The following STARD3NL variants were observed in gnomAD, a reference collection of about 807,000 sequenced individuals.
STARD3NL encodes STARD3 N-terminal-like protein.
Under a neutral mutation model 30.9 loss-of-function variants are expected in STARD3NL, and 17 were observed. The ratio of observed to expected loss-of-function variants is 0.55; its 90% confidence interval spans 0.38 to 0.82. STARD3NL has a LOEUF of 0.82. Among genes scored for constraint, STARD3NL ranks in the 40% least tolerant of loss-of-function variants. STARD3NL has a pLI of 0.00. For synonymous variants in STARD3NL, 112 were observed against 100.5 expected (o/e 1.11, Z -0.69); for missense variants, 234 against 277.6 (o/e 0.84, Z 1.12).
intron 1 of STARD3NL, among the ~76,000 whole-genome samples, chr7:38,206,475 G>A (rs1043768716): frequency 6.6e-6 from 1 of 152,126 alleles, no homozygotes; most frequent in African/African-American, 2.4e-5. Flanking sequence ...TAATGTCTTT[G>A]TCCCATCCAT....
At chr7:38,183,631 A>C (rs1024967180) in intron 1 of STARD3NL, among the ~76,000 whole-genome samples, 1 of 152,202 alleles carries the variant, frequency 6.6e-6, no homozygotes, top group East Asian at 1.9e-4. Flanking sequence ...TTACCAATTT[A>C]GTTAATTTGG....
At chr7:38,187,562 G>A (rs1000681450) in intron 1 of STARD3NL, among the ~76,000 whole-genome samples, 3 of 152,016 alleles carry the variant, frequency 2.0e-5, no homozygotes, top group Admixed American at 2.0e-4. Flanking sequence ...ACTAAAATGG[G>A]AACTCTTAGT....
intron 7 of STARD3NL, among the ~76,000 whole-genome samples, chr7:38,222,650 C>T (rs993244636): frequency 6.6e-6 from 1 of 152,176 alleles, no homozygotes; most frequent in Admixed American, 6.5e-5. Context: ...TGGGATCCAT[C>T]TGCATTTCAC....
chr7:38,183,996 A>T (rs1025014096), intron 1 of STARD3NL, among the ~76,000 whole-genome samples: 11 of 152,190 alleles, frequency 7.2e-5, no homozygotes, highest in Non-Finnish European at 1.5e-4. Flanking sequence ...CTAATTGAAT[A>T]CCTAACACAT....
At chr7:38,199,438 T>C (rs912796349) in intron 1 of STARD3NL, among the ~76,000 whole-genome samples, 7 of 152,212 alleles carry the variant, frequency 4.6e-5, no homozygotes, top group African/African-American at 1.7e-4. Flanking sequence ...ATTTATGCAG[T>C]TGATATTTGT....
At chr7:38,216,845 C>G (rs1377792363) in intron 4 of STARD3NL, 180 bp from the exon 5 acceptor site, 2 of 623,346 alleles carry the variant, frequency 3.2e-6, no homozygotes, top group Admixed American at 3.0e-5. Flanking sequence ...TGTAGAAGCC[C>G]ATTTTGCCCC....
chr7:38,199,568 A>G (rs1356158729), intron 1 of STARD3NL, among the ~76,000 whole-genome samples: 1 of 152,242 alleles, frequency 6.6e-6, no homozygotes, highest in East Asian at 1.9e-4. Context: ...CAGTATCATT[A>G]AGTGGCACAT....
At chr7:38,220,559 G>A (rs1004826602) in intron 7 of STARD3NL, among the ~76,000 whole-genome samples, 2 of 152,168 alleles carry the variant, frequency 1.3e-5, no homozygotes, top group Non-Finnish European at 2.9e-5. Flanking sequence ...AAATGGTATA[G>A]CCCCAGTAGA....
intron 1 of STARD3NL, among the ~76,000 whole-genome samples, chr7:38,188,190 C>T (rs993033355): frequency 3.9e-5 from 6 of 152,188 alleles, no homozygotes; most frequent in African/African-American, 1.4e-4. Context: ...TACAGTGGCC[C>T]ACACACAAGG....
In STARD3NL at chr7:38,214,451, T is replaced by C; in HGVS notation, c.303+17T>C. 1 of 1,524,590 alleles carries C rather than the reference T, an allele frequency of 6.6e-7. No homozygotes were observed. The highest frequency in any genetic ancestry group is 1.7e-5 in the Admixed American group (1 of 58,212). 94.4% of individuals were successfully genotyped at this position (1,524,590 alleles called of 1,614,324 possible). A position where few individuals can be genotyped will look rare whatever the true frequency, so the allele number is the denominator to read the frequency against. On this transcript the variant is annotated intron_variant, in intron 3 of 8. Transcript: ENST00000009041. ...GATATATTTGTAAGTATTTTTTATG[T>C]TTCATTTCAGATGTGATAAAACTGA...
At chr7:38,184,681 T>A in intron 1 of STARD3NL, among the ~76,000 whole-genome samples, 1 of 146,372 alleles carries the variant, frequency 6.8e-6, no homozygotes, top group East Asian at 2.0e-4. Context: ...ACTATATATA[T>A]AATATATAAC....
intron 7 of STARD3NL, among the ~76,000 whole-genome samples, chr7:38,223,742 TTTGAAAA>T (rs67855855): frequency 0.21 from 32,652 of 151,902 alleles, 3,875 homozygotes; most frequent in Admixed American, 0.33. Flanking sequence ...TAATCAAAAT[TTTGAAAA>T]TTATTGAAAA....
chr7:38,193,256 G>A (rs1784763657), intron 1 of STARD3NL, among the ~76,000 whole-genome samples: 1 of 151,620 alleles, frequency 6.6e-6, no homozygotes, highest in African/African-American at 2.4e-5. Context: ...AAACAGAAAT[G>A]TCTGTCCTCC....
chr7:38,229,626 A>G (rs1017549405), intron 8 of STARD3NL, among the ~76,000 whole-genome samples: 1 of 152,216 alleles, frequency 6.6e-6, no homozygotes, highest in African/African-American at 2.4e-5. Flanking sequence ...TGGGAGAGGT[A>G]GCCAAGGTCA....
At chr7:38,203,531 A>G (rs1785288668) in intron 1 of STARD3NL, among the ~76,000 whole-genome samples, 1 of 152,238 alleles carries the variant, frequency 6.6e-6, no homozygotes, top group African/African-American at 2.4e-5. Context: ...AACATGCCAA[A>G]TTGTAAAGAC....
chr7:38,223,447 T>G lies in STARD3NL; in HGVS notation c.649+3787T>G, dbSNP rs768022827. ...GCTGAAGAAAGGGTAATTTTTCACT[T>G]CCTAAACCATGGAAAGATTAACTTA... On this transcript the variant is annotated intron_variant, in intron 7 of 8. Transcript: ENST00000009041. Among the ~76,000 whole-genome samples the G allele has an allele frequency of 5.3e-5, 8 of 152,124 alleles. 1 individual carries two copies. The South Asian group carries it at 1.2e-3, about 24-fold the overall frequency.
chr7:38,182,587 T>G lies in STARD3NL; in HGVS notation c.-59+4167T>G, dbSNP rs113344432. 2.6e-3 allele frequency among the ~76,000 whole-genome samples: 393 copies of G among 152,286 alleles called. 4 individuals carry two copies. Among genetic ancestry groups the G allele is most frequent in the African/African-American group, 9.1e-3 (379 of 41,554 alleles). ...CTGTGTTGGAACTCCTGGCAGCCTC[T>G]TACATGATGTATCAGTACAGCTCAG... On this transcript the variant is annotated intron_variant, in intron 1 of 8. Coordinates refer to ENST00000009041, the MANE Select transcript of STARD3NL (RefSeq NM_032016.4).
In STARD3NL at chr7:38,217,865, T is replaced by G. The variant is rs150149827; in HGVS notation, c.553+560T>G. Among the ~76,000 whole-genome samples, 79 of 152,238 alleles carry G rather than the reference T, an allele frequency of 5.2e-4. 1 individual carries two copies. The East Asian group carries it at 0.015, about 29-fold the overall frequency. On this transcript the variant is annotated intron_variant, in intron 6 of 8. Transcript: ENST00000009041. ...CCATTGGTGGGTTTAGGATGAAGAT[T>G]ATTCACAGGAGGATGACAGCAAGCC...
intron 7 of STARD3NL, among the ~76,000 whole-genome samples, chr7:38,220,703 A>G (rs760546957): frequency 8.5e-5 from 13 of 152,252 alleles, no homozygotes; most frequent in Non-Finnish European, 1.8e-4. Flanking sequence ...TGCTCATAGC[A>G]GCATTATTCA....
Sources: gnomAD v4.1 joint callset for allele counts (sites outside exome capture counted in the v4.1 genomes callset) on GRCh38, gnomAD v4.1.1 for gene constraint, MANE v1.5 for transcripts, NCBI Gene and HGNC (gene_info 2026-07-23, HGNC 2026-07-21) for gene names.